EPB41: variants seen among roughly 807,000 people sequenced by gnomAD.
EPB41 encodes erythrocyte membrane protein band 4.1, also known as protein 4.1.
In EPB41, 65 loss-of-function variants were observed where a neutral mutation model predicts 108.0. The observed-to-expected ratio is 0.60, with a 90% CI of 0.49 to 0.74. The LOEUF is 0.74. Ranked by LOEUF, EPB41 falls within the 30% of genes least tolerant of loss-of-function variation. The pLI is 0.00. For missense variants in EPB41, 875 were observed against 1,037.0 expected (o/e 0.84, Z 2.15); for synonymous variants, 336 against 358.9 (o/e 0.94, Z 0.72).
In EPB41 at chr1:28,902,534, G is replaced by A. The variant is rs954706290; in HGVS notation, c.-8+15324G>A. ...CCCAGCTCGGGGTCCATGATTTAGGGAGACCAAGACAGAGGTGCCCAAAGC... is the reference window on the plus strand; with the variant it reads ...CCCAGCTCGGGGTCCATGATTTAGGAAGACCAAGACAGAGGTGCCCAAAGC... On this transcript the variant is annotated intron_variant, in intron 1 of 16. Coordinates refer to the EPB41 transcript ENST00000347529. Among the ~76,000 whole-genome samples the A allele has an allele frequency of 3.3e-5, 5 of 152,234 alleles. No homozygotes were observed. In the East Asian group the frequency reaches 5.8e-4, roughly 18 times the overall value.
In EPB41 at chr1:29,119,820, ATTTT is replaced by A. The variant is rs3838994; in HGVS notation, c.*3013_*3016del. 3 of 152,500 alleles carry A rather than the reference ATTTT, an allele frequency of 2.0e-5. No individual in the cohort carries two copies. Among genetic ancestry groups the A allele is most frequent in the Non-Finnish European group, 4.4e-5 (3 of 68,032 alleles). 9.4% of individuals were successfully genotyped at this position (152,500 alleles called of 1,614,324 possible). On this transcript the variant is annotated 3_prime_UTR_variant, in exon 21 of 21. Transcript: ENST00000343067. ...TGACAAAAATGAAGGAGCTTTGTAAATTTTTTTTAAAATTATGAATCATATCAAG... is the reference window on the plus strand; with the variant it reads ...TGACAAAAATGAAGGAGCTTTGTAAATTTTAAAATTATGAATCATATCAAG...
At chr1:29,044,886 TC>T (rs1243209126) in intron 11 of EPB41, among the ~76,000 whole-genome samples, 3 of 152,166 alleles carry the variant, frequency 2.0e-5, no homozygotes, top group South Asian at 2.1e-4. Flanking sequence ...TACCATTCTT[TC>T]CCTACTGCAT....
intron 5 of EPB41, 126 bp downstream of exon 5, chr1:29,012,033 GATAAAGC>G: frequency 1.0e-6 from 1 of 979,136 alleles, no homozygotes. Flanking sequence ...TTGAAATCGA[GATAAAGC>G]CTTCTCCTGG....
chr1:29,075,832 C>G (rs1414792075), intron 16 of EPB41, among the ~76,000 whole-genome samples: 1 of 152,172 alleles, frequency 6.6e-6, no homozygotes, highest in Non-Finnish European at 1.5e-5. Context: ...AAAGAGTCAG[C>G]ATTATCAGAA....
At chr1:28,889,874 A>G (rs896030785) in intron 1 of EPB41, 1 of 982,422 alleles carries the variant, frequency 1.0e-6, no homozygotes, top group African/African-American at 1.8e-5. Context: ...TGAACAGGAT[A>G]CTCACAGAGG....
intron 6 of EPB41, among the ~76,000 whole-genome samples, chr1:29,016,326 C>G (rs374865576): frequency 2.0e-5 from 3 of 151,422 alleles, no homozygotes; most frequent in Non-Finnish European, 4.4e-5. Context: ...CAGATGTGCA[C>G]CACCACGCCC....
intron 10 of EPB41, among the ~76,000 whole-genome samples, chr1:29,038,877 C>A (rs1640481422): frequency 6.6e-6 from 1 of 152,198 alleles, no homozygotes; most frequent in Non-Finnish European, 1.5e-5. Context: ...TGGGCTTCGA[C>A]TTTGTTACTG....
intron 16 of EPB41, among the ~76,000 whole-genome samples, chr1:29,094,611 C>T (rs185045747): frequency 2.6e-5 from 4 of 152,264 alleles, no homozygotes; most frequent in Non-Finnish European, 5.9e-5. Context: ...AGCGTTGTAG[C>T]GATCTTTCAC....
chr1:29,046,131 T>A (rs868421117), intron 11 of EPB41, among the ~76,000 whole-genome samples: 27 of 152,084 alleles, frequency 1.8e-4, no homozygotes, highest in African/African-American at 4.8e-4. Context: ...AATTTAATTT[T>A]ATTTTTTTTT....
chr1:29,086,940 CTTTTT>C (rs386366593), intron 16 of EPB41, among the ~76,000 whole-genome samples: 1 of 98,564 alleles, frequency 1.0e-5, no homozygotes, highest in Admixed American at 1.4e-4. Context: ...AACTGTGGTT[CTTTTT>C]TTTTTTTTTT....
chr1:28,958,842 A>AAAG (rs1293381715), intron 1 of EPB41, among the ~76,000 whole-genome samples: 3 of 148,846 alleles, frequency 2.0e-5, no homozygotes, highest in Admixed American at 6.7e-5. Context: ...AAAAAAAAAG[A>AAAG]AAGAAAAAAG....
chr1:28,919,752 G>C (rs1400875425), intron 1 of EPB41, among the ~76,000 whole-genome samples: 2 of 152,164 alleles, frequency 1.3e-5, no homozygotes, highest in African/African-American at 4.8e-5. Context: ...ACAGCATCCA[G>C]CCCAAAAGTC....
chr1:29,112,482 G>A (rs368941635), intron 19 of EPB41, 34 bp downstream of exon 19: 74 of 1,579,898 alleles, frequency 4.7e-5, no homozygotes, highest in Non-Finnish European at 6.3e-5. Context: ...GCCTGGGAGG[G>A]GTCCCTGGGC....
intron 1 of EPB41, among the ~76,000 whole-genome samples, chr1:28,972,455 G>A (rs1048857910): frequency 6.6e-6 from 1 of 152,194 alleles, no homozygotes. Context: ...AGAAGAAGAT[G>A]AGTAAGAGTT....
At chr1:28,962,105 G>C (rs2095234113) in intron 1 of EPB41, among the ~76,000 whole-genome samples, 1 of 151,502 alleles carries the variant, frequency 6.6e-6, no homozygotes, top group African/African-American at 2.4e-5. Flanking sequence ...TTGTTGCCCA[G>C]GCTGGAGTGC....
chr1:28,976,686 G>GTA (rs906995122), intron 1 of EPB41, among the ~76,000 whole-genome samples: 5 of 138,332 alleles, frequency 3.6e-5, no homozygotes, highest in Non-Finnish European at 6.1e-5. Flanking sequence ...TTTTCTAACC[G>GTA]TATCTCCCCC....
chr1:29,118,347 C>CA lies in EPB41; in HGVS notation c.*1536dup, dbSNP rs1297517188. 6.6e-6 allele frequency: 1 copy of CA among 152,242 alleles called. No individual in the cohort carries two copies. Among genetic ancestry groups the CA allele is most frequent in the African/African-American group, 2.4e-5 (1 of 41,440 alleles). The allele number at this position is 152,242 out of a possible 1,614,324, so 9.4% of individuals were successfully genotyped here. A position where few individuals can be genotyped will look rare whatever the true frequency, so the allele number is the denominator to read the frequency against. On this transcript the variant is annotated 3_prime_UTR_variant, in exon 21 of 21. Coordinates refer to ENST00000343067, the MANE Select transcript of EPB41 (RefSeq NM_001376013.1). ...CTCGAACTCCTGACCTCAGGTGATC[C>CA]ACCCACCTTGGCCTCCCAAAGTGCT...
Position 28,899,438 on chromosome 1 carries a change from C to T in EPB41, c.-8+12228C>T, listed in dbSNP as rs564831262. Among the ~76,000 whole-genome samples, 10 of 145,244 alleles carry T rather than the reference C, an allele frequency of 6.9e-5. No homozygotes were observed. In the East Asian group the frequency reaches 1.9e-3, roughly 28 times the overall value. Reference sequence around the variant, plus strand: ...AGCATCTGTTATGCTTCCCTCCCCTCTTCCCCCTTTCCTGGGACATTCTAG... The same window carrying T: ...AGCATCTGTTATGCTTCCCTCCCCTTTTCCCCCTTTCCTGGGACATTCTAG... On this transcript the variant is annotated intron_variant, in intron 1 of 16. Coordinates refer to the EPB41 transcript ENST00000347529.
At chr1:29,009,323 G>A (rs1402475921) in intron 4 of EPB41, among the ~76,000 whole-genome samples, 1 of 152,158 alleles carries the variant, frequency 6.6e-6, no homozygotes, top group Non-Finnish European at 1.5e-5. Flanking sequence ...ATTTGGAGGT[G>A]TAGGTAATTG....
Sources: allele counts gnomAD v4.1 joint callset (sites outside exome capture counted in the v4.1 genomes callset), GRCh38; gene constraint gnomAD v4.1.1; transcripts MANE v1.5; gene names NCBI Gene and HGNC (gene_info 2026-07-23, HGNC 2026-07-21).